CLYBL: variants seen among roughly 807,000 people sequenced by gnomAD.
The protein encoded by CLYBL is citramalyl-CoA lyase, mitochondrial.
A neutral mutation model predicts 38.9 loss-of-function variants in CLYBL; 31 were observed. The observed-to-expected ratio is 0.80, with a 90% CI of 0.60 to 1.08. The LOEUF (loss-of-function observed/expected upper bound fraction) is 1.08, where lower values mean the gene tolerates loss of function less well. CLYBL is among the 50% of genes least tolerant of loss of function. CLYBL has a pLI of 0.00. For synonymous variants in CLYBL, 171 were observed against 158.6 expected (o/e 1.08, Z -0.59); for missense variants, 434 against 411.6 (o/e 1.05, Z -0.47).
At chr13:99,802,066 C>CT (rs1203202303) in intron 2 of CLYBL, among the ~76,000 whole-genome samples, 5 of 151,952 alleles carry the variant, frequency 3.3e-5, no homozygotes, top group South Asian at 2.1e-4. Context: ...TACCTAGAAT[C>CT]TTTTTTTTAG....
At chr13:99,797,688 G>A (rs9517886) in intron 2 of CLYBL, among the ~76,000 whole-genome samples, 67,275 of 151,480 alleles carry the variant, frequency 0.44, 15,900 homozygotes, top group East Asian at 0.64. Context: ...CTGCCAATAC[G>A]TTCCACGTGA....
At chr13:99,868,846 A>T (rs571751134) in intron 6 of CLYBL, among the ~76,000 whole-genome samples, 1 of 152,200 alleles carries the variant, frequency 6.6e-6, no homozygotes, top group Non-Finnish European at 1.5e-5. Context: ...ATGAAGCACT[A>T]TAGGTTTTCT....
At chr13:99,787,456 A>T (rs184859534) in intron 2 of CLYBL, among the ~76,000 whole-genome samples, 1 of 152,290 alleles carries the variant, frequency 6.6e-6, no homozygotes, top group African/African-American at 2.4e-5. Flanking sequence ...TTAAATAGGG[A>T]ATCCTTTCCC....
intron 1 of CLYBL, among the ~76,000 whole-genome samples, chr13:99,711,258 C>T (rs948634189): frequency 1.3e-5 from 2 of 152,072 alleles, no homozygotes; most frequent in Admixed American, 6.6e-5. Context: ...AAATTTATTT[C>T]CCACACTTCT....
intron 1 of CLYBL, among the ~76,000 whole-genome samples, chr13:99,733,356 C>T (rs2048620978): frequency 6.6e-6 from 1 of 151,910 alleles, no homozygotes; most frequent in Admixed American, 6.6e-5. Flanking sequence ...TCCCTGTAGA[C>T]AGAGAGGGCT....
intron 7 of CLYBL, among the ~76,000 whole-genome samples, chr13:99,886,707 T>C (rs1310084089): frequency 4.6e-5 from 7 of 152,246 alleles, no homozygotes; most frequent in Admixed American, 4.6e-4. Flanking sequence ...GTGTGAGCAG[T>C]GCAGTCTCGC....
At chr13:99,862,168 A>G (rs1196178467) in intron 3 of CLYBL, among the ~76,000 whole-genome samples, 1 of 152,124 alleles carries the variant, frequency 6.6e-6, no homozygotes, top group Admixed American at 6.5e-5. Context: ...TTTAAAATGG[A>G]TATATATGTT....
intron 1 of CLYBL, among the ~76,000 whole-genome samples, chr13:99,657,399 A>G (rs1312160594): frequency 6.6e-6 from 1 of 152,254 alleles, no homozygotes; most frequent in African/African-American, 2.4e-5. Context: ...TTGCTGTGTC[A>G]GGCTCACCGC....
intron 1 of CLYBL, among the ~76,000 whole-genome samples, chr13:99,680,469 G>T (rs1305286319): frequency 2.6e-5 from 4 of 152,162 alleles, no homozygotes; most frequent in African/African-American, 9.7e-5. Context: ...TATCTAAGTT[G>T]ACCAACCTTG....
chr13:99,697,245 G>C (rs1281717341), intron 1 of CLYBL, among the ~76,000 whole-genome samples: 1 of 152,232 alleles, frequency 6.6e-6, no homozygotes, highest in African/African-American at 2.4e-5. Context: ...TGTGCAGACA[G>C]TGGGGTTACT....
chr13:99,908,782 G>T (rs530469301), exon 10 of CLYBL, among the ~76,000 whole-genome samples: 134 of 152,268 alleles, frequency 8.8e-4, no homozygotes, highest in Non-Finnish European at 1.6e-3. Flanking sequence ...CAGAAAGTTG[G>T]TCTACTTTGC....
chr13:99,697,450 C>T (rs758196314), intron 1 of CLYBL, among the ~76,000 whole-genome samples: 4 of 152,168 alleles, frequency 2.6e-5, no homozygotes, highest in Non-Finnish European at 4.4e-5. Flanking sequence ...AATCTTGGCT[C>T]ACTGCAACCT....
At chr13:99,851,034 G>A (rs2051316831) in intron 2 of CLYBL, among the ~76,000 whole-genome samples, 1 of 152,196 alleles carries the variant, frequency 6.6e-6, no homozygotes, top group Non-Finnish European at 1.5e-5. Flanking sequence ...AAAATAGGGA[G>A]TTGATGCTTA....
intron 1 of CLYBL, among the ~76,000 whole-genome samples, chr13:99,728,541 G>A (rs1188454318): frequency 6.0e-5 from 9 of 150,994 alleles, no homozygotes; most frequent in African/African-American, 2.2e-4. Context: ...GCCTCCCAGA[G>A]TGCTGGGATT....
intron 2 of CLYBL, among the ~76,000 whole-genome samples, chr13:99,788,142 C>A (rs1293952415): frequency 1.3e-5 from 2 of 152,202 alleles, no homozygotes; most frequent in African/African-American, 4.8e-5. Context: ...ATGTCATCTG[C>A]AAACAGGGAC....
chr13:99,769,335 AG>A (rs1405861929), intron 1 of CLYBL, among the ~76,000 whole-genome samples: 1 of 152,182 alleles, frequency 6.6e-6, no homozygotes, highest in African/African-American at 2.4e-5. Flanking sequence ...GTTTCAAAAT[AG>A]TTACAGCAGG....
At chr13:99,894,648 A>T (rs1323615356), downstream of CLYBL, 3 of 126,234 alleles carry the variant, frequency 2.4e-5, no homozygotes, top group East Asian at 2.5e-4. Flanking sequence ...TGAAATTGAG[A>T]TTTTTTTTTT....
chr13:99,661,353 G>A (rs2047406219), intron 1 of CLYBL, among the ~76,000 whole-genome samples: 1 of 152,050 alleles, frequency 6.6e-6, no homozygotes, highest in Non-Finnish European at 1.5e-5. Flanking sequence ...AGACATGAGG[G>A]TACAATCAAA....
chr13:99,683,234 C>A (rs186547074), intron 1 of CLYBL, among the ~76,000 whole-genome samples: 16 of 150,512 alleles, frequency 1.1e-4, no homozygotes, highest in South Asian at 6.5e-4. Context: ...GGTGCCCCCC[C>A]CTACACCAGG....
Sources: gnomAD v4.1 joint callset for allele counts (sites outside exome capture counted in the v4.1 genomes callset) on GRCh38, gnomAD v4.1.1 for gene constraint, MANE v1.5 for transcripts, NCBI Gene and HGNC (gene_info 2026-07-23, HGNC 2026-07-21) for gene names.